Variants in CACNB4 observed in about 807,000 individuals in gnomAD.
CACNB4 encodes voltage-dependent L-type calcium channel subunit beta-4.
CACNB4 carries 32 observed loss-of-function variants against 71.2 expected under a neutral mutation model. The observed-to-expected ratio is 0.45, with a 90% CI of 0.34 to 0.60. The LOEUF is 0.60. CACNB4 is among the 20% of genes least tolerant of loss of function. The pLI, the probability that CACNB4 is intolerant of heterozygous loss-of-function variation, is 0.01. For missense variants in CACNB4, 464 were observed against 647.9 expected (o/e 0.72, Z 3.08); for synonymous variants, 231 against 236.9 (o/e 0.97, Z 0.23).
In CACNB4 at chr2:151,836,423, T is replaced by C. The variant is rs2099834904; in HGVS notation, c.*2696A>G. 1 of 151,858 alleles carries C rather than the reference T, an allele frequency of 6.6e-6. No homozygotes were observed. The highest frequency in any genetic ancestry group is 2.4e-5 in the African/African-American group (1 of 41,418). The allele number at this position is 151,858 out of a possible 1,614,324, so 9.4% of individuals were successfully genotyped here. On this transcript the variant is annotated 3_prime_UTR_variant, in exon 14 of 14. Coordinates refer to ENST00000539935, the MANE Select transcript of CACNB4 (RefSeq NM_000726.5). ...TTAGTATATATCTAGATTTTAAGTA[T>C]CATTTACACAATAAACTCTTAAGTC...
intron 2 of CACNB4, among the ~76,000 whole-genome samples, chr2:151,921,675 C>G (rs59303627): frequency 6.6e-6 from 1 of 152,284 alleles, no homozygotes; most frequent in East Asian, 1.9e-4. Context: ...TGTTTCCCTA[C>G]CCAAATTTCA....
chr2:152,007,556 AT>A (rs1352830748), intron 2 of CACNB4, among the ~76,000 whole-genome samples: 1 of 151,996 alleles, frequency 6.6e-6, no homozygotes, highest in Admixed American at 6.6e-5. Context: ...CTTTTCCCTC[AT>A]TTTCAAGGCT....
intron 2 of CACNB4, among the ~76,000 whole-genome samples, chr2:151,989,515 T>C (rs1257118245): frequency 6.6e-6 from 1 of 152,206 alleles, no homozygotes; most frequent in African/African-American, 2.4e-5. Flanking sequence ...GTTTCTATGG[T>C]ATGGCTCTCC....
At chr2:152,056,634 C>T (rs1048019178) in intron 2 of CACNB4, among the ~76,000 whole-genome samples, 1 of 152,100 alleles carries the variant, frequency 6.6e-6, no homozygotes, top group East Asian at 1.9e-4. Flanking sequence ...GTGTGTGATG[C>T]CCTTGGCATT....
intron 2 of CACNB4, among the ~76,000 whole-genome samples, chr2:152,069,503 C>CA (rs1686544612): frequency 7.8e-6 from 1 of 128,920 alleles, no homozygotes; most frequent in African/African-American, 2.8e-5. Flanking sequence ...AAGAACACGC[C>CA]TTTTTTTTTT....
chr2:151,935,627 G>A (rs2099862747), intron 2 of CACNB4, among the ~76,000 whole-genome samples: 1 of 152,210 alleles, frequency 6.6e-6, no homozygotes, highest in South Asian at 2.1e-4. Context: ...ATCCATATGC[G>A]GATAGAAATC....
chr2:151,980,805 G>C (rs763221408), intron 2 of CACNB4, among the ~76,000 whole-genome samples: 2 of 152,150 alleles, frequency 1.3e-5, no homozygotes, highest in East Asian at 1.9e-4. Flanking sequence ...AGATTCTTAC[G>C]AACTAAATAA....
intron 2 of CACNB4, among the ~76,000 whole-genome samples, chr2:152,096,566 TA>T (rs1688280602): frequency 6.6e-6 from 1 of 152,232 alleles, no homozygotes; most frequent in South Asian, 2.1e-4. Flanking sequence ...CTCCTGAATT[TA>T]AATTAGACCA....
Position 151,885,061 on chromosome 2 carries a change from A to C in CACNB4, c.148-1691T>G, listed in dbSNP as rs184847176. ...GCCTTTAAGGGCAACTTTGTCTCTCAGTAGAGGCCATCATTCTAGCAAGGG... is the reference window on the plus strand; with the variant it reads ...GCCTTTAAGGGCAACTTTGTCTCTCCGTAGAGGCCATCATTCTAGCAAGGG... On this transcript the variant is annotated intron_variant, in intron 2 of 13. Transcript: ENST00000539935. Among the ~76,000 whole-genome samples, 895 of 152,318 alleles carry C rather than the reference A, an allele frequency of 5.9e-3. 6 individuals are homozygous for C. The highest frequency in any genetic ancestry group is 0.014 in the Middle Eastern group (4 of 294).
chr2:152,090,090 T>C (rs2345633), intron 2 of CACNB4, among the ~76,000 whole-genome samples: 59,289 of 152,002 alleles, frequency 0.39, 11,739 homozygotes, highest in Middle Eastern at 0.47. Context: ...AGACCAAAAA[T>C]GGGCCAAGCT....
intron 2 of CACNB4, among the ~76,000 whole-genome samples, chr2:151,915,680 TA>T (rs1225579003): frequency 6.6e-6 from 1 of 151,720 alleles, no homozygotes; most frequent in Non-Finnish European, 1.5e-5. Flanking sequence ...ACATCTCTAC[TA>T]AAAAATACAA....
intron 2 of CACNB4, among the ~76,000 whole-genome samples, chr2:151,918,420 C>T (rs1315191491): frequency 6.6e-6 from 1 of 152,198 alleles, no homozygotes; most frequent in African/African-American, 2.4e-5. Context: ...GCTCCGGAGA[C>T]TCATTTCCTT....
At chr2:152,086,479 A>G (rs1687667698) in intron 2 of CACNB4, among the ~76,000 whole-genome samples, 1 of 152,220 alleles carries the variant, frequency 6.6e-6, no homozygotes, top group Non-Finnish European at 1.5e-5. Context: ...CCTGCCACAT[A>G]GAGAGTACAG....
intron 2 of CACNB4, among the ~76,000 whole-genome samples, chr2:151,985,759 T>C (rs764986975): frequency 1.3e-4 from 20 of 152,076 alleles, no homozygotes; most frequent in Non-Finnish European, 2.5e-4. Context: ...CTACTGTCTC[T>C]GAGTGAGGAA....
chr2:151,919,304 T>A (rs1356363965), intron 2 of CACNB4, among the ~76,000 whole-genome samples: 14 of 152,164 alleles, frequency 9.2e-5, no homozygotes, highest in African/African-American at 3.4e-4. Context: ...CAGTCATAGC[T>A]CACTGCAGCC....
chr2:151,931,119 T>C (rs1481744650), intron 2 of CACNB4, among the ~76,000 whole-genome samples: 2 of 152,208 alleles, frequency 1.3e-5, no homozygotes, highest in Non-Finnish European at 2.9e-5. Flanking sequence ...AGTTAAAATA[T>C]ATAAACCTAT....
At chr2:151,847,883 T>C (rs1295162772) in intron 12 of CACNB4, among the ~76,000 whole-genome samples, 2 of 152,142 alleles carry the variant, frequency 1.3e-5, no homozygotes, top group African/African-American at 4.8e-5. Context: ...TACTGGGCTC[T>C]AGCAGTTAGT....
intron 5 of CACNB4, chr2:151,873,152 A>G (rs1269303947): frequency 2.0e-5 from 3 of 152,238 alleles, no homozygotes; most frequent in Non-Finnish European, 2.9e-5. Context: ...ACAAATATGG[A>G]TTGTACATCC....
intron 9 of CACNB4, among the ~76,000 whole-genome samples, chr2:151,862,805 G>A (rs1260137125): frequency 6.6e-6 from 1 of 152,186 alleles, no homozygotes; most frequent in Non-Finnish European, 1.5e-5. Flanking sequence ...TCGGGCCAGT[G>A]CCAAGTCACC....
Sources: allele counts gnomAD v4.1 joint callset (sites outside exome capture counted in the v4.1 genomes callset), GRCh38; gene constraint gnomAD v4.1.1; transcripts MANE v1.5; gene names NCBI Gene and HGNC (gene_info 2026-07-23, HGNC 2026-07-21).